Variants in KNTC1 observed in about 807,000 individuals in gnomAD.
KNTC1 encodes the protein kinetochore-associated protein 1.
Under a neutral mutation model 314.4 loss-of-function variants are expected in KNTC1, and 253 were observed. The ratio of observed to expected loss-of-function variants is 0.80; its 90% CI spans 0.73 to 0.89. KNTC1 has a LOEUF of 0.89. KNTC1 is among the 40% of genes least tolerant of loss of function. KNTC1 has a pLI of 0.00. For missense variants in KNTC1, 2,475 were observed against 2,572.9 expected (o/e 0.96, Z 0.82); for synonymous variants, 901 against 901.4 (o/e 1.00, Z 0.01).
At chr12:122,574,616 G>A (rs375230714) in intron 27 of KNTC1, among the ~76,000 whole-genome samples, 3 of 152,190 alleles carry the variant, frequency 2.0e-5, no homozygotes, top group East Asian at 3.9e-4. Context: ...GTGCCACTAC[G>A]CCCAGCTAAT....
intron 48 of KNTC1, 119 bp from the exon 49 acceptor site, chr12:122,604,445 C>A (rs1295803998): frequency 5.8e-6 from 3 of 520,600 alleles, no homozygotes; most frequent in African/African-American, 1.9e-5. Flanking sequence ...CTGTGCCCAG[C>A]CATGAGTATG....
At chr12:122,603,391 C>T in intron 48 of KNTC1, 148 bp downstream of exon 48, 2 of 671,182 alleles carry the variant, frequency 3.0e-6, no homozygotes, top group South Asian at 4.2e-5. Context: ...GGGCAGTGGG[C>T]ATGGGCAGGG....
At position 122,586,703 on chromosome 12, in the gene KNTC1, A is replaced by G. The variant is rs372672248; in HGVS notation, c.3676A>G (p.Ser1226Gly). 47 of 1,463,736 alleles carry G rather than the reference A, an allele frequency of 3.2e-5. No homozygotes were observed. The highest frequency in any genetic ancestry group is 3.7e-5 in the Non-Finnish European group (40 of 1,093,046). 90.7% of individuals were successfully genotyped at this position (1,463,736 alleles called of 1,614,324 possible). A position where few individuals can be genotyped will look rare whatever the true frequency, so the allele number is the denominator to read the frequency against. Residue 1226 changes from serine (S) to glycine (G), a missense_variant and splice_region_variant, in exon 38 of 64, where the codon AGC becomes GGC. Coordinates refer to ENST00000333479, the MANE Select transcript of KNTC1 (RefSeq NM_014708.6). ...LISSLVPLAE[S>G]KRYPLESTSL... ...TAATGTTTTATTATCTTTTGTAGAA[A>G]GCAAGAGATATCCCTTGGAGTCTAC...
rs1477006010 is a variant in KNTC1 at position 122,546,693 on chromosome 12, C to T, written c.816+19C>T. 4.0e-6 allele frequency: 6 copies of T among 1,492,084 alleles called. No individual in the cohort carries two copies. Among genetic ancestry groups the T allele is most frequent in the Non-Finnish European group, 5.5e-6 (6 of 1,089,704 alleles). The allele number at this position is 1,492,084 out of a possible 1,614,324, so 92.4% of individuals were successfully genotyped here. A position where few individuals can be genotyped will look rare whatever the true frequency, so the allele number is the denominator to read the frequency against. On this transcript the variant is annotated intron_variant, in intron 10 of 63. Coordinates refer to ENST00000333479, the MANE Select transcript of KNTC1 (RefSeq NM_014708.6). ...TACTGATGTATGTTTCTTGTTTCTC[C>T]TTCAATGTTTTTACTTGATATGTTT...
intron 5 of KNTC1, among the ~76,000 whole-genome samples, chr12:122,541,111 C>T (rs768855545): frequency 3.3e-5 from 5 of 151,916 alleles, no homozygotes; most frequent in African/African-American, 1.2e-4. Context: ...GAGCTGCGAT[C>T]GCTGCACTGC....
At chr12:122,589,447 A>G (rs189891785) in intron 40 of KNTC1, among the ~76,000 whole-genome samples, 2 of 150,482 alleles carry the variant, frequency 1.3e-5, no homozygotes, top group East Asian at 3.9e-4. Flanking sequence ...TTCATTTGTC[A>G]GATTACTTCT....
chr12:122,560,991 C>T (rs934642592), intron 18 of KNTC1, among the ~76,000 whole-genome samples: 4 of 152,076 alleles, frequency 2.6e-5, no homozygotes, highest in African/African-American at 9.7e-5. Flanking sequence ...ATATATTAGT[C>T]TTATGCCAAA....
intron 27 of KNTC1, 25 bp from the exon 28 acceptor site, chr12:122,575,518 T>A: frequency 6.6e-7 from 1 of 1,524,758 alleles, no homozygotes; most frequent in Non-Finnish European, 8.9e-7. Flanking sequence ...GGGCTGTTCC[T>A]TGTCCATGCG....
At chr12:122,590,768 G>A in intron 41 of KNTC1, 33 bp downstream of exon 41, 3 of 1,595,828 alleles carry the variant, frequency 1.9e-6, no homozygotes, top group Non-Finnish European at 1.7e-6. Flanking sequence ...TTCAATTCTT[G>A]AAGTATTCAA....
chr12:122,557,709 T>C lies in KNTC1; in HGVS notation c.1488+20T>C. ...ACCAGGGTAGGTTCGTTTTTTTGTA[T>C]TTTGTTTTTTTGGGGCAGGGGAGAA... On this transcript the variant is annotated intron_variant, in intron 18 of 63. Transcript: ENST00000333479. 1.3e-6 allele frequency: 2 copies of C among 1,571,956 alleles called. No homozygotes were observed. The highest frequency in any genetic ancestry group is 1.7e-6 in the Non-Finnish European group (2 of 1,148,814).
At chr12:122,571,794 C>A (rs1054372679) in intron 24 of KNTC1, among the ~76,000 whole-genome samples, 1 of 151,818 alleles carries the variant, frequency 6.6e-6, no homozygotes, top group African/African-American at 2.4e-5. Flanking sequence ...CTCAGCCTCC[C>A]GTGTAGCTGG....
intron 37 of KNTC1, among the ~76,000 whole-genome samples, chr12:122,586,300 T>A (rs1869289056): frequency 1.3e-5 from 2 of 152,158 alleles, no homozygotes. Context: ...CAGGCTGGTC[T>A]CAATCTCCTG....
At chr12:122,589,655 T>G (rs1238207017) in intron 40 of KNTC1, among the ~76,000 whole-genome samples, 5 of 151,772 alleles carry the variant, frequency 3.3e-5, no homozygotes, top group African/African-American at 1.2e-4. Flanking sequence ...AAATTTTTTG[T>G]AGAGACAGGT....
Position 122,601,548 on chromosome 12 carries a change from G to T in KNTC1, c.4576G>T (p.Asp1526Tyr). Residue 1526 changes from aspartate to tyrosine, a missense_variant, in exon 45 of 64, where the codon GAC (aspartate) becomes TAC (tyrosine). Asp to Tyr is a radical substitution (Grantham distance 160). Transcript: ENST00000333479. ...TGTTTTTATACAGTTGGATCCTTAT[G>T]ACTATGAAATGATTGAAGTTGTCTT... ...SGILHKLDPY[D>Y]YEMIEVVLKV... The T allele has an allele frequency of 6.5e-7, 1 of 1,532,294 alleles. No individual in the cohort carries two copies. The highest frequency in any genetic ancestry group is 1.3e-5 in the South Asian group (1 of 78,504). The allele number at this position is 1,532,294 out of a possible 1,614,324, so 94.9% of individuals were successfully genotyped here.
At chr12:122,594,155 T>C in intron 42 of KNTC1, 121 bp from the exon 43 acceptor site, 1 of 630,662 alleles carries the variant, frequency 1.6e-6, no homozygotes, top group Non-Finnish European at 2.8e-6. Flanking sequence ...TTGGAGGAGC[T>C]ATAGACAAAT....
chr12:122,585,330 C>T (rs1475566130), intron 36 of KNTC1, among the ~76,000 whole-genome samples: 1 of 152,202 alleles, frequency 6.6e-6, no homozygotes, highest in Non-Finnish European at 1.5e-5. Context: ...GCATGAGCCA[C>T]TGCACCTGGG....
rs75614848 is a variant in KNTC1 at position 122,625,854 on chromosome 12, T to C, written c.6607-351T>C. ...TTGCTGTTTTTCAGATCGGAATATT[T>C]TGGTAGCTTTAGTAAACCTAAGTAT... On this transcript the variant is annotated intron_variant, in intron 63 of 63. Transcript: ENST00000333479. 8.5e-3 allele frequency among the ~76,000 whole-genome samples: 1,297 copies of C among 152,310 alleles called. 17 individuals carry two copies. The highest frequency in any genetic ancestry group is 0.03 in the African/African-American group (1,254 of 41,572).
At chr12:122,625,580 A>G (rs1409561740) in intron 63 of KNTC1, among the ~76,000 whole-genome samples, 1 of 151,524 alleles carries the variant, frequency 6.6e-6, no homozygotes, top group Non-Finnish European at 1.5e-5. Flanking sequence ...AAATCAAAAC[A>G]AAACAAAACA....
At position 122,573,273 on chromosome 12, in the gene KNTC1, G is replaced by C. The variant is rs775291338; in HGVS notation, c.2271G>C (p.Leu757Phe). 3 of 1,613,736 alleles carry C rather than the reference G, an allele frequency of 1.9e-6. No individual in the cohort carries two copies. The highest frequency in any genetic ancestry group is 1.7e-6 in the Non-Finnish European group (2 of 1,179,758). Residue 757 changes from leucine to phenylalanine, a missense_variant, in exon 26 of 64, where the codon TTG becomes TTC. Leu to Phe is a conservative substitution (Grantham distance 22, BLOSUM62 0). Coordinates refer to ENST00000333479, the MANE Select transcript of KNTC1 (RefSeq NM_014708.6). Reference sequence around the variant, plus strand: ...ACTTGCAAGAGGAGGAACTTCTCTTGCTGTACATAGAGGTAACTTTTCCTT... The same window carrying C: ...ACTTGCAAGAGGAGGAACTTCTCTTCCTGTACATAGAGGTAACTTTTCCTT... ...EHDLQEEELL[L>F]LYIEDLLNRC...
Sources: gnomAD v4.1 joint callset for allele counts (sites outside exome capture counted in the v4.1 genomes callset) on GRCh38, gnomAD v4.1.1 for gene constraint, MANE v1.5 for transcripts, NCBI Gene and HGNC (gene_info 2026-07-23, HGNC 2026-07-21) for gene names.